H3-3A: variants seen among roughly 807,000 people sequenced by gnomAD.
The protein encoded by H3-3A is histone H3.3.
For synonymous variants in H3-3A, 49 were observed against 61.4 expected, an observed-to-expected ratio of 0.80 and a Z score of 0.95; for missense variants, 7 against 184.0, an observed-to-expected ratio of 0.04 and a Z score of 5.57.
chr1:226,069,809 C>T (rs552074595), intron 3 of H3-3A, among the ~76,000 whole-genome samples: 1 of 152,210 alleles, frequency 6.6e-6, no homozygotes, highest in African/African-American at 2.4e-5. Flanking sequence ...CCAGCCAGGG[C>T]TACAGAGCAA....
At chr1:226,069,530 C>T (rs764849452) in intron 3 of H3-3A, among the ~76,000 whole-genome samples, 5 of 152,108 alleles carry the variant, frequency 3.3e-5, no homozygotes, top group Admixed American at 1.3e-4. Flanking sequence ...GTAATTTCTC[C>T]ATTTCAAAAT....
intron 3 of H3-3A, among the ~76,000 whole-genome samples, chr1:226,069,683 T>C (rs1232418979): frequency 1.3e-5 from 2 of 151,908 alleles, no homozygotes; most frequent in East Asian, 1.9e-4. Context: ...AATACAAAAT[T>C]AGCTGGACGT....
chr1:226,065,132 A>G (rs1323196514), intron 2 of H3-3A, among the ~76,000 whole-genome samples: 3 of 152,254 alleles, frequency 2.0e-5, no homozygotes, highest in Admixed American at 6.5e-5. Context: ...TCCACGTGGA[A>G]GGAACACTGC....
intron 1 of H3-3A, among the ~76,000 whole-genome samples, chr1:226,063,154 A>C (rs1657793504): frequency 7.0e-6 from 1 of 143,712 alleles, no homozygotes. Context: ...CGGGCCTCTT[A>C]ACTACCGCCC....
At chr1:226,061,945 C>G (rs918484583), upstream of H3-3A, 2 of 152,254 alleles carry the variant, frequency 1.3e-5, no homozygotes, top group African/African-American at 2.4e-5. Flanking sequence ...AGGGGCTGCC[C>G]TGCACGCAGG....
intron 3 of H3-3A, chr1:226,067,144 C>T (rs759639964): frequency 1.3e-5 from 2 of 152,174 alleles, no homozygotes; most frequent in African/African-American, 4.8e-5. Context: ...AAGAACAATA[C>T]TGTACTTGAA....
intron 3 of H3-3A, among the ~76,000 whole-genome samples, chr1:226,068,971 A>G (rs1376824915): frequency 6.6e-6 from 1 of 152,178 alleles, no homozygotes; most frequent in Non-Finnish European, 1.5e-5. Flanking sequence ...ACGTGAAAAT[A>G]GTTCAATTTG....
intron 3 of H3-3A, among the ~76,000 whole-genome samples, chr1:226,070,915 A>G (rs1211008099): frequency 6.6e-6 from 1 of 152,228 alleles, no homozygotes; most frequent in Non-Finnish European, 1.5e-5. Context: ...ACTACTGGAC[A>G]AGGCAGAGGT....
rs972135832 is a variant in H3-3A, at chr1:226,071,288, A to G, written c.283-63A>G. The G allele has an allele frequency of 2.9e-5, 40 of 1,357,388 alleles. 1 individual carries two copies. Among genetic ancestry groups the G allele is most frequent in the African/African-American group, 2.7e-4 (19 of 69,946 alleles). 84.1% of individuals were successfully genotyped at this position (1,357,388 alleles called of 1,614,324 possible). On this transcript the variant is annotated intron_variant, in intron 3 of 3. Coordinates refer to ENST00000366815, the MANE Select transcript of H3-3A (RefSeq NM_002107.7). ...CAAAAACCTTTTTGTTTTAATTCGT[A>G]TAGTTGGGTCTTAACTATTGGAAAT... is the stretch of plus-strand genomic sequence containing the variant.
At chr1:226,064,924 CTGTATTAGCTCTTT>C in intron 2 of H3-3A, among the ~76,000 whole-genome samples, 1 of 152,242 alleles carries the variant, frequency 6.6e-6, no homozygotes, top group East Asian at 1.9e-4. Context: ...TTATTTCCTT[CTGTATTAGCTCTTT>C]TGATTGTGAA....
intron 3 of H3-3A, 91 bp from the exon 4 acceptor site, chr1:226,071,260 G>A: frequency 3.9e-6 from 4 of 1,020,878 alleles, no homozygotes; most frequent in South Asian, 1.4e-5. Context: ...TTTTTAAAGG[G>A]TTCAAAAACC....
chr1:226,071,168 TC>T (rs1658109401), intron 3 of H3-3A, among the ~76,000 whole-genome samples, 182 bp from the exon 4 acceptor site: 1 of 152,252 alleles, frequency 6.6e-6, no homozygotes, highest in Admixed American at 6.5e-5. Context: ...TTGTTTTTTT[TC>T]ATAAGCTGCT....
At chr1:226,066,074 AAAC>A (rs1180203279) in intron 3 of H3-3A, 1 of 494,198 alleles carries the variant, frequency 2.0e-6, no homozygotes, top group African/African-American at 1.9e-5. Context: ...ATTGCACTAA[AAAC>A]AATATTTAAA....
chr1:226,066,895 T>C (rs1174531115), intron 3 of H3-3A: 1 of 152,262 alleles, frequency 6.6e-6, no homozygotes, highest in Non-Finnish European at 1.5e-5. Context: ...GAGCTGTTTC[T>C]ATGGTTAATC....
rs374324778 is a variant in H3-3A, at chr1:226,071,348, C to T, written c.283-3C>T. ...AGTAATTTTTTCTTCATTCCTTTTG[C>T]AGGAGGCAAGTGAGGCCTATCTGGT... On this transcript the variant is annotated splice_polypyrimidine_tract_variant and splice_region_variant and intron_variant, in intron 3 of 3. Coordinates refer to ENST00000366815, the MANE Select transcript of H3-3A (RefSeq NM_002107.7). The T allele has an allele frequency of 2.3e-5, 37 of 1,605,700 alleles. No homozygotes were observed. The highest frequency in any genetic ancestry group is 5.4e-5 in the African/African-American group (4 of 74,688).
intron 2 of H3-3A, among the ~76,000 whole-genome samples, chr1:226,065,165 A>C (rs1657884441): frequency 6.6e-6 from 1 of 152,230 alleles, no homozygotes; most frequent in Non-Finnish European, 1.5e-5. Flanking sequence ...ATTCAAATTT[A>C]ATAGTTGATG....
intron 3 of H3-3A, among the ~76,000 whole-genome samples, chr1:226,069,990 G>C (rs1359308589): frequency 6.6e-6 from 1 of 152,170 alleles, no homozygotes; most frequent in Non-Finnish European, 1.5e-5. Flanking sequence ...GTCAATGAGT[G>C]ATTCATACAC....
rs1423596476 is a variant in H3-3A at position 226,066,127 on chromosome 1, T to TTC, written c.282+318_282+319insTC. The TTC allele has an allele frequency of 1.3e-4, 59 of 450,432 alleles. No individual in the cohort carries two copies. In the East Asian group the frequency reaches 1.9e-3, roughly 14 times the overall value. 27.9% of individuals were successfully genotyped at this position (450,432 alleles called of 1,614,324 possible). ...TTGGTTTATGGATGCTGCAGGACAT[T>TTC]AAGAAGAACTTGAGACTAGAGGTCT... On this transcript the variant is annotated intron_variant, in intron 3 of 3. Transcript: ENST00000366815.
intron 3 of H3-3A, chr1:226,066,437 A>T (rs898360700): frequency 6.6e-6 from 1 of 152,306 alleles, no homozygotes; most frequent in African/African-American, 2.4e-5. Context: ...CATGTGGAGC[A>T]TATTGAATTT....
Sources: allele counts gnomAD v4.1 joint callset (sites outside exome capture counted in the v4.1 genomes callset), GRCh38; gene constraint gnomAD v4.1.1; transcripts MANE v1.5; gene names NCBI Gene and HGNC (gene_info 2026-07-23, HGNC 2026-07-21).